Variants in CNTNAP5 observed in about 807,000 individuals in gnomAD.
CNTNAP5 encodes contactin associated protein family member 5, also known as contactin-associated protein-like 5.
In CNTNAP5, 72 loss-of-function variants were observed where a neutral mutation model predicts 150.2. The ratio of observed to expected loss-of-function variants is 0.48; its 90% confidence interval spans 0.40 to 0.58. The LOEUF (loss-of-function observed/expected upper bound fraction) is 0.58, where lower values mean the gene tolerates loss of function less well. Among genes scored for constraint, CNTNAP5 ranks in the 20% least tolerant of loss-of-function variants. The pLI is 0.00. For synonymous variants in CNTNAP5, 672 were observed against 619.8 expected (o/e 1.08, Z -1.25); for missense variants, 1,636 against 1,626.2 (o/e 1.01, Z -0.10).
intron 13 of CNTNAP5, among the ~76,000 whole-genome samples, chr2:124,648,849 C>T (rs968898547): frequency 6.6e-6 from 1 of 152,156 alleles, no homozygotes; most frequent in Non-Finnish European, 1.5e-5. Flanking sequence ...GTTATAATCT[C>T]TAGCCTCAAG....
At chr2:124,278,534 T>C (rs1448851235) in intron 3 of CNTNAP5, among the ~76,000 whole-genome samples, 1 of 152,170 alleles carries the variant, frequency 6.6e-6, no homozygotes, top group East Asian at 1.9e-4. Flanking sequence ...TTCAACATTT[T>C]CTGCAAATTA....
intron 3 of CNTNAP5, among the ~76,000 whole-genome samples, chr2:124,340,767 AAAC>A (rs1428172826): frequency 2.0e-5 from 3 of 150,060 alleles, no homozygotes; most frequent in Admixed American, 6.7e-5. Flanking sequence ...AAAAACAAAC[AAAC>A]AACTATATAT....
intron 2 of CNTNAP5, among the ~76,000 whole-genome samples, chr2:124,231,286 A>G (rs1377169255): frequency 1.3e-5 from 2 of 152,120 alleles, no homozygotes; most frequent in Non-Finnish European, 2.9e-5. Context: ...AAAAGAAGGA[A>G]TTGTGTTGAA....
chr2:124,791,221 A>C (rs888759527), intron 18 of CNTNAP5, among the ~76,000 whole-genome samples: 1 of 152,226 alleles, frequency 6.6e-6, no homozygotes, highest in African/African-American at 2.4e-5. Flanking sequence ...TATTTGAAGG[A>C]TACTATAGTT....
rs572069748 is a variant in CNTNAP5, at chr2:124,550,022, C to T, written c.1650-13195C>T. Among the ~76,000 whole-genome samples the T allele has an allele frequency of 4.5e-4, 68 of 152,284 alleles. 1 individual carries two copies. The South Asian group carries it at 0.013, about 30-fold the overall frequency. Reference sequence around the variant, plus strand: ...CATGACAGTGCAGTGTAACATCATTCCCAATTAAAGTTCACAGGAATCCCA... The same window carrying T: ...CATGACAGTGCAGTGTAACATCATTTCCAATTAAAGTTCACAGGAATCCCA... On this transcript the variant is annotated intron_variant, in intron 10 of 23. Transcript: ENST00000682447.
chr2:124,893,120 G>A (rs563894468), intron 21 of CNTNAP5, among the ~76,000 whole-genome samples: 111 of 152,200 alleles, frequency 7.3e-4, no homozygotes, highest in African/African-American at 2.6e-3. Flanking sequence ...AATTACAAAA[G>A]GAAGCCAGTG....
At chr2:124,717,749 A>G (rs1280847583) in intron 13 of CNTNAP5, among the ~76,000 whole-genome samples, 1 of 152,184 alleles carries the variant, frequency 6.6e-6, no homozygotes, top group Non-Finnish European at 1.5e-5. Context: ...CGATGTTTGA[A>G]AGTTAAGGGA....
chr2:124,032,615 C>G (rs1413275736), intron 1 of CNTNAP5, among the ~76,000 whole-genome samples: 1 of 151,928 alleles, frequency 6.6e-6, no homozygotes, highest in East Asian at 1.9e-4. Flanking sequence ...AATTTAAGAC[C>G]TAGGCATATA....
chr2:124,911,345 C>A, intron 22 of CNTNAP5, 122 bp from the exon 23 acceptor site: 1 of 701,446 alleles, frequency 1.4e-6, no homozygotes, highest in Non-Finnish European at 2.6e-6. Context: ...CATATCAACT[C>A]ACAACTATTT....
At chr2:124,726,834 A>T (rs926362267) in intron 13 of CNTNAP5, among the ~76,000 whole-genome samples, 10 of 151,186 alleles carry the variant, frequency 6.6e-5, no homozygotes, top group Non-Finnish European at 8.9e-5. Flanking sequence ...GCATATTTTT[A>T]TTTTGATACA....
At chr2:124,122,794 C>A (rs72845516) in intron 1 of CNTNAP5, among the ~76,000 whole-genome samples, 254 of 128,966 alleles carry the variant, frequency 2.0e-3, no homozygotes, top group Middle Eastern at 8.5e-3. Context: ...ACACACACAC[C>A]CACACCTTTT....
intron 4 of CNTNAP5, among the ~76,000 whole-genome samples, chr2:124,421,701 A>G (rs766134789): frequency 6.6e-6 from 1 of 152,220 alleles, no homozygotes; most frequent in Non-Finnish European, 1.5e-5. Flanking sequence ...TTCATGTGAA[A>G]TAAAATTGAG....
intron 12 of CNTNAP5, among the ~76,000 whole-genome samples, chr2:124,641,075 G>A (rs569787173): frequency 1.7e-4 from 25 of 143,596 alleles, no homozygotes; most frequent in African/African-American, 6.3e-4. Context: ...GCAGTGAGCC[G>A]AGATTACGCC....
At chr2:124,620,212 C>G (rs529808784) in intron 12 of CNTNAP5, among the ~76,000 whole-genome samples, 3 of 152,196 alleles carry the variant, frequency 2.0e-5, no homozygotes, top group South Asian at 4.1e-4. Flanking sequence ...TCTGAGAAAT[C>G]ACTGCCAAAT....
At chr2:124,800,246 C>G (rs181083685) in intron 19 of CNTNAP5, among the ~76,000 whole-genome samples, 33 of 152,290 alleles carry the variant, frequency 2.2e-4, no homozygotes, top group Admixed American at 2.0e-3. Context: ...GAGATTTTTT[C>G]CAAAGCATCT....
chr2:124,566,914 A>G (rs934537526), intron 11 of CNTNAP5, among the ~76,000 whole-genome samples: 1 of 152,224 alleles, frequency 6.6e-6, no homozygotes, highest in Non-Finnish European at 1.5e-5. Context: ...AACAAAAACA[A>G]ATAGGCCTGA....
intron 12 of CNTNAP5, among the ~76,000 whole-genome samples, chr2:124,623,571 C>T (rs574840496): frequency 6.6e-6 from 1 of 152,304 alleles, no homozygotes; most frequent in African/African-American, 2.4e-5. Context: ...GTGATGATGA[C>T]AGCTTTTTAT....
At chr2:124,461,874 A>AG (rs1252873946) in intron 6 of CNTNAP5, among the ~76,000 whole-genome samples, 1 of 788 alleles carries the variant, frequency 1.3e-3, no homozygotes, top group Non-Finnish European at 9.3e-3. Context: ...AAAAAAAAAG[A>AG]AAAAAAAAGT....
intron 3 of CNTNAP5, among the ~76,000 whole-genome samples, chr2:124,412,460 C>G (rs1162854865): frequency 6.7e-6 from 1 of 150,050 alleles, no homozygotes; most frequent in Non-Finnish European, 1.5e-5. Context: ...GGAGGCATCA[C>G]ACTACCTGAC....
Sources: allele counts gnomAD v4.1 joint callset (sites outside exome capture counted in the v4.1 genomes callset), GRCh38; gene constraint gnomAD v4.1.1; transcripts MANE v1.5; gene names NCBI Gene and HGNC (gene_info 2026-07-23, HGNC 2026-07-21).